SLC39A11: variants seen among roughly 807,000 people sequenced by gnomAD.
SLC39A11 encodes the protein solute carrier family 39 member 11.
A neutral mutation model predicts 36.1 loss-of-function variants in SLC39A11; 33 were observed. The observed-to-expected ratio is 0.91, with a 90% CI of 0.69 to 1.22. The LOEUF (loss-of-function observed/expected upper bound fraction) is 1.22. SLC39A11 is among the 50% of genes most tolerant of loss of function. The pLI is 0.00. For missense variants in SLC39A11, 432 were observed against 430.3 expected (o/e 1.00, Z -0.03); for synonymous variants, 166 against 170.3 (o/e 0.97, Z 0.20).
At chr17:72,816,384 C>A (rs2077584628) in intron 6 of SLC39A11, among the ~76,000 whole-genome samples, 1 of 151,716 alleles carries the variant, frequency 6.6e-6, no homozygotes, top group South Asian at 2.1e-4. Flanking sequence ...CACCCTCATT[C>A]TCCTGCCAGG....
intron 6 of SLC39A11, among the ~76,000 whole-genome samples, chr17:72,779,546 C>T (rs989250874): frequency 1.3e-5 from 2 of 152,220 alleles, no homozygotes; most frequent in African/African-American, 2.4e-5. Flanking sequence ...CTGGCTTCTG[C>T]TTCCCCAGCA....
chr17:73,010,708 T>C (rs975313139), intron 4 of SLC39A11, among the ~76,000 whole-genome samples: 15 of 151,440 alleles, frequency 9.9e-5, no homozygotes, highest in African/African-American at 1.7e-4. Context: ...ATTATGAAAG[T>C]AAATAAGGCA....
intron 4 of SLC39A11, among the ~76,000 whole-genome samples, chr17:73,029,740 C>T (rs1211444203): frequency 6.6e-6 from 1 of 152,086 alleles, no homozygotes; most frequent in African/African-American, 2.4e-5. Flanking sequence ...CACCACCACA[C>T]CCAGCTAATT....
intron 6 of SLC39A11, among the ~76,000 whole-genome samples, chr17:72,812,512 G>A (rs2077464041): frequency 6.6e-6 from 1 of 152,180 alleles, no homozygotes; most frequent in African/African-American, 2.4e-5. Context: ...GTGCCTTTAA[G>A]CAACTTAAAA....
chr17:72,747,178 A>T (rs2074974006), intron 6 of SLC39A11, among the ~76,000 whole-genome samples: 1 of 152,144 alleles, frequency 6.6e-6, no homozygotes, highest in Admixed American at 6.5e-5. Flanking sequence ...GGACAAGCTC[A>T]GATTTATTTA....
At position 72,647,268 on chromosome 17, in the gene SLC39A11, CAGATAGA is replaced by C. The variant is rs2069599941; in HGVS notation, c.*309_*315del. On this transcript the variant is annotated 3_prime_UTR_variant, in exon 10 of 10. Transcript: ENST00000255559. The stretch of plus-strand genomic sequence containing the variant: ...TAGGTGACCTTGAGGAGTTGGGAGG[CAGATAGA>C]AGGTCCCGAAGTGGAGATTTCCCTG... The C allele has an allele frequency of 2.3e-5, 5 of 217,298 alleles. No individual in the cohort carries two copies. The South Asian group carries it at 3.9e-4, about 17-fold the overall frequency. The allele number at this position is 217,298 out of a possible 1,614,324, so 13.5% of individuals were successfully genotyped here. A position where few individuals can be genotyped will look rare whatever the true frequency, so the allele number is the denominator to read the frequency against.
chr17:73,010,656 A>T (rs61243278), intron 4 of SLC39A11, among the ~76,000 whole-genome samples: 9,094 of 152,242 alleles, frequency 0.06, 323 homozygotes, highest in Middle Eastern at 0.088. Flanking sequence ...AAATGCTTGT[A>T]GTAAATGGCA....
chr17:72,887,796 A>G (rs2081508985), intron 5 of SLC39A11, among the ~76,000 whole-genome samples: 1 of 152,222 alleles, frequency 6.6e-6, no homozygotes, highest in African/African-American at 2.4e-5. Flanking sequence ...AACGAAAAAA[A>G]AAATTGCTTA....
chr17:72,918,603 G>A (rs1388093805), intron 5 of SLC39A11, among the ~76,000 whole-genome samples: 1 of 152,164 alleles, frequency 6.6e-6, no homozygotes, highest in Non-Finnish European at 1.5e-5. Context: ...GTAAAAGGAA[G>A]GAAAGAATGT....
Position 72,646,501 on chromosome 17 carries a change from G to A in SLC39A11, c.*1083C>T, listed in dbSNP as rs1005664798. The stretch of plus-strand genomic sequence containing the variant: ...GAGTTGGCTAAAATTTACTTTAAAG[G>A]GGAAATGTAAAATTACCTCTTCTTT... On this transcript the variant is annotated 3_prime_UTR_variant, in exon 10 of 10. Transcript: ENST00000255559. The A allele has an allele frequency of 6.6e-6, 1 of 152,242 alleles. No individual in the cohort carries two copies. Among genetic ancestry groups the A allele is most frequent in the Non-Finnish European group, 1.5e-5 (1 of 68,044 alleles). The allele number at this position is 152,242 out of a possible 1,614,324, so 9.4% of individuals were successfully genotyped here.
At chr17:72,801,899 A>G (rs2077096566) in intron 6 of SLC39A11, among the ~76,000 whole-genome samples, 1 of 152,232 alleles carries the variant, frequency 6.6e-6, no homozygotes, top group Non-Finnish European at 1.5e-5. Flanking sequence ...AAACTTTAAA[A>G]CTTTATGACA....
intron 6 of SLC39A11, among the ~76,000 whole-genome samples, chr17:72,796,595 C>A (rs1041646751): frequency 6.6e-6 from 1 of 152,106 alleles, no homozygotes; most frequent in Non-Finnish European, 1.5e-5. Context: ...AAGACAGAAT[C>A]ATGAGCAGAA....
intron 3 of SLC39A11, among the ~76,000 whole-genome samples, chr17:73,035,458 C>T (rs911116688): frequency 1.3e-5 from 2 of 152,032 alleles, no homozygotes; most frequent in Non-Finnish European, 2.9e-5. Flanking sequence ...ATTTAAAGGG[C>T]GAGTGGGGTA....
intron 6 of SLC39A11, among the ~76,000 whole-genome samples, chr17:72,739,850 C>A (rs1425690605): frequency 1.3e-5 from 2 of 152,126 alleles, no homozygotes; most frequent in Non-Finnish European, 2.9e-5. Context: ...CAATCCCTTG[C>A]ACAGTTGAAA....
rs1167124121 is a variant in SLC39A11, at chr17:73,064,032, C to T, written c.147+20776G>A. ...AGGGCTGTCTTGGTTGATTTCTCTA[C>T]AAGAAGACCAGCGCCTCAGAAATTG... On this transcript the variant is annotated intron_variant, in intron 3 of 9. Transcript: ENST00000255559. Among the ~76,000 whole-genome samples the T allele has an allele frequency of 3.3e-5, 5 of 151,746 alleles. No individual in the cohort carries two copies. The East Asian group carries it at 9.7e-4, about 29-fold the overall frequency.
At chr17:72,941,031 G>A (rs2085068531) in intron 5 of SLC39A11, among the ~76,000 whole-genome samples, 1 of 152,186 alleles carries the variant, frequency 6.6e-6, no homozygotes, top group Non-Finnish European at 1.5e-5. Context: ...CCACGCTTTG[G>A]GAGGCCGAGG....
At chr17:72,715,520 G>C (rs957703634) in intron 7 of SLC39A11, among the ~76,000 whole-genome samples, 14 of 152,150 alleles carry the variant, frequency 9.2e-5, no homozygotes, top group Admixed American at 5.2e-4. Flanking sequence ...AGGACATTAT[G>C]CTAAGTGAAA....
At chr17:72,897,622 G>A (rs140007565) in intron 5 of SLC39A11, among the ~76,000 whole-genome samples, 233 of 152,312 alleles carry the variant, frequency 1.5e-3, no homozygotes, top group Middle Eastern at 3.4e-3. Context: ...ATATCATGGT[G>A]ATGTCAGGAT....
chr17:72,825,426 G>C (rs371517842), intron 6 of SLC39A11, among the ~76,000 whole-genome samples: 4 of 152,334 alleles, frequency 2.6e-5, no homozygotes, highest in African/African-American at 9.6e-5. Flanking sequence ...GTGCTGCAGG[G>C]GTGGAGCCCT....
Sources: allele counts gnomAD v4.1 joint callset (sites outside exome capture counted in the v4.1 genomes callset), GRCh38; gene constraint gnomAD v4.1.1; transcripts MANE v1.5; gene names NCBI Gene and HGNC (gene_info 2026-07-23, HGNC 2026-07-21).